Variants in NXPH1 observed in about 807,000 individuals in gnomAD.
NXPH1 encodes the protein neurexophilin 1.
Under a neutral mutation model 23.7 loss-of-function variants are expected in NXPH1, and 5 were observed. The observed-to-expected ratio is 0.21, with a 90% CI of 0.11 to 0.44. The LOEUF is 0.44. Ranked by LOEUF, NXPH1 falls within the 20% of genes least tolerant of loss-of-function variation. The probability of loss-of-function intolerance (pLI) is 0.99; values close to 1 mark genes in which losing one functional copy is unlikely to be tolerated. For missense variants in NXPH1, 324 were observed against 321.6 expected, an observed-to-expected ratio of 1.01 and a Z score of -0.06; for synonymous variants, 144 against 122.2, an observed-to-expected ratio of 1.18 and a Z score of -1.18.
At chr7:8,542,813 C>T (rs895217623) in intron 2 of NXPH1, among the ~76,000 whole-genome samples, 2 of 151,374 alleles carry the variant, frequency 1.3e-5, no homozygotes, top group Non-Finnish European at 3.0e-5. Flanking sequence ...ATAGGAATAC[C>T]ATTTTAGGTA....
intron 2 of NXPH1, among the ~76,000 whole-genome samples, chr7:8,510,479 A>G (rs1817593934): frequency 6.6e-6 from 1 of 152,070 alleles, no homozygotes; most frequent in Admixed American, 6.6e-5. Flanking sequence ...AAAAAAATCT[A>G]CATGTTCTGC....
At chr7:8,735,778 G>C (rs751840751) in intron 2 of NXPH1, among the ~76,000 whole-genome samples, 1 of 151,936 alleles carries the variant, frequency 6.6e-6, no homozygotes, top group African/African-American at 2.4e-5. Flanking sequence ...GGCTTTTTTT[G>C]GTTGGTAGGC....
chr7:8,688,590 A>G (rs530665022), intron 2 of NXPH1, among the ~76,000 whole-genome samples: 3 of 152,330 alleles, frequency 2.0e-5, no homozygotes, highest in Admixed American at 2.0e-4. Flanking sequence ...CAAAGATGCG[A>G]TAGAAAGTAA....
At chr7:8,663,450 A>C (rs962105800) in intron 2 of NXPH1, among the ~76,000 whole-genome samples, 58 of 152,088 alleles carry the variant, frequency 3.8e-4, no homozygotes, top group African/African-American at 1.4e-3. Flanking sequence ...TTGCTAAGCA[A>C]AACAAAACAA....
At chr7:8,618,471 C>T (rs907502075) in intron 2 of NXPH1, among the ~76,000 whole-genome samples, 4 of 152,118 alleles carry the variant, frequency 2.6e-5, no homozygotes, top group African/African-American at 4.8e-5. Context: ...ATTTTATTAA[C>T]TTTGTATATA....
chr7:8,500,062 G>A (rs1817405352), intron 2 of NXPH1, among the ~76,000 whole-genome samples: 1 of 152,000 alleles, frequency 6.6e-6, no homozygotes, highest in Non-Finnish European at 1.5e-5. Flanking sequence ...AAATCTTTTT[G>A]TTCTTTTCAT....
chr7:8,715,306 G>C (rs1333283332), intron 2 of NXPH1, among the ~76,000 whole-genome samples: 1 of 152,156 alleles, frequency 6.6e-6, no homozygotes, highest in Non-Finnish European at 1.5e-5. Context: ...GCTGTGAGGG[G>C]ATGGGGTAAG....
chr7:8,638,389 C>G (rs7795167), intron 2 of NXPH1, among the ~76,000 whole-genome samples: 39,510 of 152,074 alleles, frequency 0.26, 6,004 homozygotes, highest in Admixed American at 0.35. Context: ...TTAGAATCCT[C>G]CTGGTGCCAG....
At chr7:8,739,893 A>G (rs577513599) in intron 2 of NXPH1, among the ~76,000 whole-genome samples, 5 of 152,210 alleles carry the variant, frequency 3.3e-5, no homozygotes, top group African/African-American at 1.2e-4. Flanking sequence ...AGCATCATCA[A>G]GACATTATTA....
chr7:8,537,237 C>G (rs11984314), intron 2 of NXPH1, among the ~76,000 whole-genome samples: 71 of 151,970 alleles, frequency 4.7e-4, no homozygotes, highest in African/African-American at 1.4e-3. Flanking sequence ...TCCTCTCCCT[C>G]TCCCCCTATT....
At chr7:8,461,461 T>C (rs529796201) in intron 2 of NXPH1, among the ~76,000 whole-genome samples, 3 of 152,328 alleles carry the variant, frequency 2.0e-5, no homozygotes, top group Admixed American at 1.3e-4. Context: ...GTATTATTAA[T>C]GTGAAGTAGA....
At chr7:8,481,907 C>G (rs1817078915) in intron 2 of NXPH1, among the ~76,000 whole-genome samples, 1 of 152,144 alleles carries the variant, frequency 6.6e-6, no homozygotes, top group African/African-American at 2.4e-5. Flanking sequence ...TTGCATAGAT[C>G]ACACTCAGTG....
intron 2 of NXPH1, among the ~76,000 whole-genome samples, chr7:8,490,635 A>G (rs79512224): frequency 0.045 from 6,842 of 152,078 alleles, 509 homozygotes; most frequent in African/African-American, 0.16. Flanking sequence ...GTTTGTGGGA[A>G]CATTTTGACT....
intron 2 of NXPH1, among the ~76,000 whole-genome samples, chr7:8,563,457 G>A (rs1818483415): frequency 6.6e-6 from 1 of 151,704 alleles, no homozygotes; most frequent in South Asian, 2.1e-4. Context: ...TTCCATTACA[G>A]AAATATAAAC....
At chr7:8,485,391 C>G (rs1034158615) in intron 2 of NXPH1, among the ~76,000 whole-genome samples, 2 of 152,110 alleles carry the variant, frequency 1.3e-5, no homozygotes, top group Non-Finnish European at 2.9e-5. Context: ...CGAGAACAGA[C>G]TAATACACCA....
chr7:8,666,660 G>T (rs1820772162), intron 2 of NXPH1, among the ~76,000 whole-genome samples: 1 of 151,958 alleles, frequency 6.6e-6, no homozygotes, highest in Non-Finnish European at 1.5e-5. Flanking sequence ...TCAAGTCCTG[G>T]CTTATCTTTG....
At chr7:8,527,811 C>G (rs1817888744) in intron 2 of NXPH1, among the ~76,000 whole-genome samples, 1 of 152,108 alleles carries the variant, frequency 6.6e-6, no homozygotes, top group Non-Finnish European at 1.5e-5. Context: ...TTCAACATGG[C>G]AAAAGGACAC....
chr7:8,444,819 T>C (rs371279716), intron 2 of NXPH1, among the ~76,000 whole-genome samples: 98 of 152,380 alleles, frequency 6.4e-4, no homozygotes, highest in African/African-American at 2.2e-3. Flanking sequence ...ATGATCGCAT[T>C]TATAATAACA....
chr7:8,510,147 C>G (rs1406945844), intron 2 of NXPH1, among the ~76,000 whole-genome samples: 3 of 152,130 alleles, frequency 2.0e-5, no homozygotes, highest in Non-Finnish European at 4.4e-5. Context: ...GCTTTAGCAC[C>G]TAGTGGGGCT....
Sources: gnomAD v4.1 joint callset for allele counts (sites outside exome capture counted in the v4.1 genomes callset) on GRCh38, gnomAD v4.1.1 for gene constraint, MANE v1.5 for transcripts, NCBI Gene and HGNC (gene_info 2026-07-23, HGNC 2026-07-21) for gene names.